The following EBF1 variants were observed in gnomAD, a reference collection of about 807,000 sequenced individuals.
The protein encoded by EBF1 is transcription factor COE1.
Under a neutral mutation model 68.4 loss-of-function variants are expected in EBF1, and 10 were observed. The ratio of observed to expected loss-of-function variants is 0.15; its 90% CI spans 0.09 to 0.25. The LOEUF (loss-of-function observed/expected upper bound fraction) is 0.25, where lower values mean the gene tolerates loss of function less well. Among genes scored for constraint, EBF1 ranks in the 10% least tolerant of loss-of-function variants. EBF1 has a pLI of 1.00. For missense variants in EBF1, 509 were observed against 794.4 expected, an observed-to-expected ratio of 0.64 and a Z score of 4.32; for synonymous variants, 298 against 299.8, an observed-to-expected ratio of 0.99 and a Z score of 0.06.
intron 6 of EBF1, among the ~76,000 whole-genome samples, chr5:158,966,704 A>G (rs1324024673): frequency 6.6e-6 from 1 of 152,166 alleles, no homozygotes; most frequent in Non-Finnish European, 1.5e-5. Context: ...GAATTCTTAC[A>G]CTGCTATCCA....
intron 6 of EBF1, chr5:158,986,498 G>A (rs753961283): frequency 9.2e-5 from 14 of 152,226 alleles, no homozygotes; most frequent in Non-Finnish European, 2.1e-4. Flanking sequence ...GGGGATTGCT[G>A]GGCAGGCATG....
At chr5:158,997,709 T>C (rs1475250094) in intron 6 of EBF1, among the ~76,000 whole-genome samples, 1 of 152,188 alleles carries the variant, frequency 6.6e-6, no homozygotes, top group Non-Finnish European at 1.5e-5. Flanking sequence ...ATGTAACATG[T>C]CATCCCTCTT....
At chr5:158,728,814 C>T (rs995127274) in intron 11 of EBF1, among the ~76,000 whole-genome samples, 20 of 152,196 alleles carry the variant, frequency 1.3e-4, no homozygotes, top group African/African-American at 4.6e-4. Context: ...ATTCTCCCAC[C>T]TCTGCTTCCC....
chr5:159,057,104 CTTTTTTTT>C (rs1205129627), intron 6 of EBF1, among the ~76,000 whole-genome samples: 250 of 110,660 alleles, frequency 2.3e-3, no homozygotes, highest in African/African-American at 7.9e-3. Context: ...CTTTTCTTTT[CTTTTTTTT>C]TTTTTTTTTT....
At chr5:159,021,926 C>T (rs1435843388) in intron 6 of EBF1, among the ~76,000 whole-genome samples, 4 of 152,054 alleles carry the variant, frequency 2.6e-5, no homozygotes, top group African/African-American at 4.8e-5. Context: ...GATATTGGGG[C>T]ACAGCTTTAA....
At chr5:158,878,322 G>T (rs982021373) in intron 6 of EBF1, among the ~76,000 whole-genome samples, 2 of 152,194 alleles carry the variant, frequency 1.3e-5, no homozygotes, top group African/African-American at 4.8e-5. Flanking sequence ...AGATTGGAGG[G>T]ACTTGTGACC....
At chr5:158,948,777 G>T (rs559835231) in intron 6 of EBF1, among the ~76,000 whole-genome samples, 4 of 152,356 alleles carry the variant, frequency 2.6e-5, no homozygotes, top group Non-Finnish European at 5.9e-5. Context: ...GGACAGAGAA[G>T]CCGAGCTCTC....
intron 10 of EBF1, among the ~76,000 whole-genome samples, chr5:158,760,033 G>T (rs558686118): frequency 4.6e-5 from 7 of 152,196 alleles, no homozygotes; most frequent in African/African-American, 1.7e-4. Flanking sequence ...ATGAAATACA[G>T]TCTGCCATTT....
intron 6 of EBF1, among the ~76,000 whole-genome samples, chr5:158,848,181 A>T (rs1198204164): frequency 6.6e-6 from 1 of 152,096 alleles, no homozygotes; most frequent in African/African-American, 2.4e-5. Flanking sequence ...AGGTAAGGTA[A>T]TTTGCCCAAG....
intron 6 of EBF1, among the ~76,000 whole-genome samples, chr5:159,044,635 T>G (rs1018456652): frequency 1.3e-5 from 2 of 152,136 alleles, no homozygotes; most frequent in African/African-American, 4.8e-5. Context: ...ACATAAAAAT[T>G]AAAAGTAAAA....
At chr5:159,003,354 T>C (rs1762939392) in intron 6 of EBF1, among the ~76,000 whole-genome samples, 1 of 152,144 alleles carries the variant, frequency 6.6e-6, no homozygotes, top group Non-Finnish European at 1.5e-5. Context: ...TGGGTGGTAA[T>C]GTGCTAATGA....
intron 5 of EBF1, among the ~76,000 whole-genome samples, chr5:159,080,974 T>C (rs1004950639): frequency 2.0e-5 from 3 of 152,178 alleles, no homozygotes; most frequent in Admixed American, 2.0e-4. Flanking sequence ...TGTGGTCCAG[T>C]ACATTTTTTT....
At chr5:158,997,738 T>C (rs1381337424) in intron 6 of EBF1, among the ~76,000 whole-genome samples, 1 of 152,174 alleles carries the variant, frequency 6.6e-6, no homozygotes, top group East Asian at 1.9e-4. Context: ...CTCCAGTGGA[T>C]CCCTGTGGCC....
chr5:158,802,301 T>G (rs758502946), intron 8 of EBF1, among the ~76,000 whole-genome samples: 16 of 152,148 alleles, frequency 1.1e-4, no homozygotes, highest in African/African-American at 3.6e-4. Flanking sequence ...TAGAGATATA[T>G]TGTTTGGCTT....
chr5:158,979,973 GTTTTGTT>G (rs1400240840), intron 6 of EBF1, among the ~76,000 whole-genome samples: 4 of 152,164 alleles, frequency 2.6e-5, no homozygotes, highest in Non-Finnish European at 5.9e-5. Context: ...CACTGGGAGT[GTTTTGTT>G]TTTTGTTTTT....
At chr5:159,008,513 C>A (rs935017561) in intron 6 of EBF1, among the ~76,000 whole-genome samples, 2 of 147,536 alleles carry the variant, frequency 1.4e-5, no homozygotes, top group Admixed American at 6.8e-5. Context: ...GTTTTCTTTT[C>A]TTTTTCTTTT....
intron 6 of EBF1, among the ~76,000 whole-genome samples, chr5:159,041,814 G>T (rs924960063): frequency 6.6e-6 from 1 of 152,102 alleles, no homozygotes; most frequent in African/African-American, 2.4e-5. Flanking sequence ...ATATTGGAAG[G>T]GTCAGCTCAC....
At chr5:158,903,602 T>TA (rs896775890) in intron 6 of EBF1, among the ~76,000 whole-genome samples, 513 of 148,446 alleles carry the variant, frequency 3.5e-3, no homozygotes, top group African/African-American at 9.0e-3. Flanking sequence ...CTTTTTCACT[T>TA]AAAAAAAAAA....
chr5:158,853,374 C>T (rs1793355742), intron 6 of EBF1, among the ~76,000 whole-genome samples: 1 of 152,172 alleles, frequency 6.6e-6, no homozygotes. Flanking sequence ...GAGCTAGTCT[C>T]AGGATTTTTG....
Sources: allele counts gnomAD v4.1 joint callset (sites outside exome capture counted in the v4.1 genomes callset), GRCh38; gene constraint gnomAD v4.1.1; transcripts MANE v1.5; gene names NCBI Gene and HGNC (gene_info 2026-07-23, HGNC 2026-07-21).